Variants in KANSL1 observed in about 807,000 individuals in gnomAD.
KANSL1 encodes the protein MLL1/MLL complex subunit KANSL1.
KANSL1 carries 22 observed loss-of-function variants against 103.6 expected under a neutral mutation model. That is an observed-to-expected ratio of 0.21 (90% CI 0.15 to 0.30). The LOEUF (loss-of-function observed/expected upper bound fraction) is 0.30. Among genes scored for constraint, KANSL1 ranks in the 10% least tolerant of loss-of-function variants. The probability of loss-of-function intolerance (pLI) is 1.00; values close to 1 mark genes in which losing one functional copy is unlikely to be tolerated. For synonymous variants in KANSL1, 600 were observed against 527.6 expected, an observed-to-expected ratio of 1.14 and a Z score of -1.88; for missense variants, 1,337 against 1,399.8, an observed-to-expected ratio of 0.96 and a Z score of 0.72.
intron 1 of KANSL1, among the ~76,000 whole-genome samples, chr17:46,187,436 T>TCAGGTTACAAGAAC (rs1410066783): frequency 1.3e-5 from 2 of 152,258 alleles, no homozygotes; most frequent in African/African-American, 4.8e-5. Context: ...GATTCCTGGT[T>TCAGGTTACAAGAAC]CAGGTTACAA....
At chr17:46,196,691 G>A (rs1331681041), upstream of KANSL1, 7 of 267,886 alleles carry the variant, frequency 2.6e-5, no homozygotes, top group Non-Finnish European at 5.2e-5. Flanking sequence ...TTTGAGTTAG[G>A]TTCCTTATAT....
intron 2 of KANSL1, among the ~76,000 whole-genome samples, chr17:46,130,565 CAA>C (rs1456052126): frequency 2.0e-5 from 3 of 152,180 alleles, no homozygotes; most frequent in African/African-American, 7.2e-5. Flanking sequence ...AGAACGAAAA[CAA>C]AAACAAGAAA....
At chr17:46,052,794 T>TAAAA (rs35162336) in intron 6 of KANSL1, among the ~76,000 whole-genome samples, 3,099 of 118,194 alleles carry the variant, frequency 0.026, 52 homozygotes, top group Middle Eastern at 0.056. Flanking sequence ...AATTTAAAAT[T>TAAAA]AAAAAAAAAA....
rs1225521194 is a variant in KANSL1 at position 46,031,227 on chromosome 17, C to G, written c.*249G>C. The G allele has an allele frequency of 3.6e-5, 21 of 578,396 alleles. No individual in the cohort carries two copies. The highest frequency in any genetic ancestry group is 6.2e-5 in the Non-Finnish European group (20 of 323,664). 35.8% of individuals were successfully genotyped at this position (578,396 alleles called of 1,614,324 possible). A position where few individuals can be genotyped will look rare whatever the true frequency, so the allele number is the denominator to read the frequency against. On this transcript the variant is annotated 3_prime_UTR_variant, in exon 15 of 15. Transcript: ENST00000432791. Reference sequence around the variant, plus strand: ...AGAGGATGTGCCAGGACCAGGCCAGCAGGGTCTCATCCTGAACTTCTGTTT... The same window carrying G: ...AGAGGATGTGCCAGGACCAGGCCAGGAGGGTCTCATCCTGAACTTCTGTTT...
intron 1 of KANSL1, among the ~76,000 whole-genome samples, chr17:46,209,602 T>A (rs1439993731): frequency 1.2e-4 from 19 of 152,262 alleles, no homozygotes; most frequent in South Asian, 4.1e-4. Flanking sequence ...CAAGCCATTC[T>A]CCCACCTCAG....
rs1231424216 is a variant in KANSL1 at position 46,039,792 on chromosome 17, G to A, written c.2113C>T (p.Leu705Phe). The change falls in exon 8 of 15, where the codon CTT (leucine) becomes TTT (phenylalanine). Residue 705 changes from leucine to phenylalanine, a missense_variant. Around this residue, in one of 2 missense-constraint regions of KANSL1, gnomAD observed 780 missense variants for 923.4 expected, o/e 0.84. Transcript: ENST00000432791. ...CCCGGCATGGGTGCTCTGTGCTTAA[G>A]CGATAACTTTTTGGGAGGTTTGATT... is the stretch of plus-strand genomic sequence containing the variant. Reference protein sequence around the residue: ...DKIKPPKKLSLKHRAPMPGSL... With the variant: ...DKIKPPKKLSFKHRAPMPGSL... 1 of 1,614,220 alleles carries A rather than the reference G, an allele frequency of 6.2e-7. No individual in the cohort carries two copies. The highest frequency in any genetic ancestry group is 1.7e-5 in the Admixed American group (1 of 60,026).
At chr17:46,155,100 T>C (rs1202247638) in intron 2 of KANSL1, among the ~76,000 whole-genome samples, 3 of 152,010 alleles carry the variant, frequency 2.0e-5, no homozygotes, top group Admixed American at 6.6e-5. Flanking sequence ...GGTAGCATCC[T>C]TTCCCCCTCA....
At chr17:46,072,165 G>A (rs377153044) in intron 4 of KANSL1, among the ~76,000 whole-genome samples, 41 of 152,150 alleles carry the variant, frequency 2.7e-4, no homozygotes, top group Non-Finnish European at 3.5e-4. Context: ...TAGTTTTTAC[G>A]GGGGTCGTTT....
intron 2 of KANSL1, among the ~76,000 whole-genome samples, chr17:46,131,792 CA>C (rs2043875250): frequency 6.6e-6 from 1 of 152,178 alleles, no homozygotes; most frequent in Non-Finnish European, 1.5e-5. Flanking sequence ...ACATAGATAG[CA>C]ACACCACCAC....
chr17:46,112,443 G>A (rs911830096), intron 2 of KANSL1, among the ~76,000 whole-genome samples: 1 of 150,660 alleles, frequency 6.6e-6, no homozygotes, highest in African/African-American at 2.5e-5. Flanking sequence ...TCAGCCCTTT[G>A]GGAGGCTGAG....
intron 2 of KANSL1, among the ~76,000 whole-genome samples, chr17:46,166,493 C>CGA (rs1367067106): frequency 6.7e-6 from 1 of 149,854 alleles, no homozygotes; most frequent in Non-Finnish European, 1.5e-5. Flanking sequence ...GCCTGGGCAA[C>CGA]AAGAGCAACA....
chr17:46,137,831 C>T (rs147355857), intron 2 of KANSL1, among the ~76,000 whole-genome samples: 154 of 148,926 alleles, frequency 1.0e-3, no homozygotes, highest in African/African-American at 3.6e-3. Flanking sequence ...CACGCCACTG[C>T]ACTCAGGTCT....
chr17:46,143,629 CCT>C (rs1279123890), intron 2 of KANSL1, among the ~76,000 whole-genome samples: 26 of 151,842 alleles, frequency 1.7e-4, no homozygotes, highest in Non-Finnish European at 2.9e-4. Context: ...ACGGTGAAAC[CCT>C]GTCTCTAGTA....
At chr17:46,169,281 A>G (rs1022425156) in intron 2 of KANSL1, among the ~76,000 whole-genome samples, 1 of 152,264 alleles carries the variant, frequency 6.6e-6, no homozygotes, top group African/African-American at 2.4e-5. Context: ...CCTCTGAAGC[A>G]TTTGCTTTAA....
intron 1 of KANSL1, among the ~76,000 whole-genome samples, chr17:46,204,532 T>C (rs1446884082): frequency 3.3e-5 from 5 of 152,234 alleles, no homozygotes; most frequent in Non-Finnish European, 5.9e-5. Context: ...GAATTTACAA[T>C]TGCTAAATGA....
At chr17:46,132,247 T>G (rs2043899422) in intron 2 of KANSL1, among the ~76,000 whole-genome samples, 1 of 152,254 alleles carries the variant, frequency 6.6e-6, no homozygotes, top group African/African-American at 2.4e-5. Flanking sequence ...TATTTAGCTG[T>G]GTGACTTTCA....
intron 1 of KANSL1, among the ~76,000 whole-genome samples, chr17:46,210,300 C>T (rs1253233275): frequency 1.3e-5 from 2 of 151,894 alleles, no homozygotes; most frequent in African/African-American, 4.8e-5. Flanking sequence ...TGGTGAAACC[C>T]CAACTCTACT....
At chr17:46,212,649 C>A (rs920107866) in intron 1 of KANSL1, among the ~76,000 whole-genome samples, 3 of 152,186 alleles carry the variant, frequency 2.0e-5, no homozygotes, top group Non-Finnish European at 2.9e-5. Flanking sequence ...AATAATGTTA[C>A]AATGAACATC....
chr17:46,163,998 T>C (rs192713452), intron 2 of KANSL1, among the ~76,000 whole-genome samples: 4 of 152,374 alleles, frequency 2.6e-5, no homozygotes, highest in Non-Finnish European at 5.9e-5. Context: ...TCAAGGTTCA[T>C]TTCTAACATC....
Sources: allele counts gnomAD v4.1 joint callset (sites outside exome capture counted in the v4.1 genomes callset), GRCh38; gene constraint gnomAD v4.1.1; regional missense constraint gnomAD v4.1.1; transcripts MANE v1.5; gene names NCBI Gene and HGNC (gene_info 2026-07-23, HGNC 2026-07-21).